The following INPP4B variants were observed in gnomAD, a reference collection of about 807,000 sequenced individuals.
The protein encoded by INPP4B is inositol polyphosphate-4-phosphatase type II B.
Under a neutral mutation model 122.5 loss-of-function variants are expected in INPP4B, and 55 were observed. The observed-to-expected ratio is 0.45, with a 90% confidence interval of 0.36 to 0.56. The LOEUF is 0.56. Ranked by LOEUF, INPP4B falls within the 20% of genes least tolerant of loss-of-function variation. The pLI, the probability that INPP4B is intolerant of heterozygous loss-of-function variation, is 0.00. For missense variants in INPP4B, 1,000 were observed against 1,097.7 expected (o/e 0.91, Z 1.26); for synonymous variants, 403 against 388.7 (o/e 1.04, Z -0.43).
At chr4:142,367,843 G>C (rs1234606598) in intron 7 of INPP4B, among the ~76,000 whole-genome samples, 1 of 152,104 alleles carries the variant, frequency 6.6e-6, no homozygotes, top group Non-Finnish European at 1.5e-5. Context: ...ATGCTCCCTG[G>C]GCTGGAAGGA....
At chr4:142,464,526 T>A (rs1817371019) in intron 2 of INPP4B, among the ~76,000 whole-genome samples, 2 of 152,002 alleles carry the variant, frequency 1.3e-5, no homozygotes, top group African/African-American at 4.8e-5. Flanking sequence ...ACTCATTTAA[T>A]TTGGGGAAAA....
chr4:142,520,151 T>C (rs1056301816), intron 2 of INPP4B, among the ~76,000 whole-genome samples: 2 of 152,082 alleles, frequency 1.3e-5, no homozygotes, highest in Non-Finnish European at 2.9e-5. Context: ...AAACAGCTTT[T>C]AGAGCGGCAT....
At chr4:142,073,557 A>T (rs1255530911) in intron 25 of INPP4B, among the ~76,000 whole-genome samples, 1 of 152,086 alleles carries the variant, frequency 6.6e-6, no homozygotes, top group Admixed American at 6.6e-5. Context: ...AAGTGTTCTG[A>T]TGGAAGACAA....
At chr4:142,725,993 C>A in intron 1 of INPP4B, 92 bp from the exon 2 acceptor site, 1 of 392,778 alleles carries the variant, frequency 2.5e-6, no homozygotes, top group South Asian at 1.3e-4. Context: ...TAATAAAGGT[C>A]AGAGAAGAAA....
chr4:142,635,548 CT>C (rs534813851), intron 2 of INPP4B, among the ~76,000 whole-genome samples: 309 of 152,232 alleles, frequency 2.0e-3, no homozygotes, highest in African/African-American at 6.8e-3. Context: ...AAGATCGTGT[CT>C]TTTGTGGGAA....
chr4:142,693,651 C>T (rs879811396), intron 2 of INPP4B, among the ~76,000 whole-genome samples: 2 of 151,754 alleles, frequency 1.3e-5, no homozygotes, highest in Non-Finnish European at 2.9e-5. Flanking sequence ...TTTTCCTCAC[C>T]TTCTTAACTA....
intron 2 of INPP4B, among the ~76,000 whole-genome samples, chr4:142,578,300 G>T (rs142815494): frequency 6.6e-6 from 1 of 152,004 alleles, no homozygotes; most frequent in East Asian, 1.9e-4. Flanking sequence ...GTAATGATGA[G>T]ATTTGCCTCG....
chr4:142,179,389 C>T (rs915613666), intron 15 of INPP4B, among the ~76,000 whole-genome samples: 5 of 143,316 alleles, frequency 3.5e-5, no homozygotes, highest in African/African-American at 5.1e-5. Context: ...AGGAGAATTG[C>T]TTGAACTCGG....
At chr4:142,750,695 T>C (rs976156249) in intron 1 of INPP4B, among the ~76,000 whole-genome samples, 7 of 152,016 alleles carry the variant, frequency 4.6e-5, no homozygotes, top group Middle Eastern at 3.2e-3. Context: ...AGAGGAAAGA[T>C]TGAGGGGTCC....
At chr4:142,438,954 C>A (rs1479599943) in intron 3 of INPP4B, among the ~76,000 whole-genome samples, 1 of 152,130 alleles carries the variant, frequency 6.6e-6, no homozygotes, top group African/African-American at 2.4e-5. Context: ...GTGAATAAAT[C>A]ACAGACATAA....
intron 11 of INPP4B, among the ~76,000 whole-genome samples, chr4:142,247,218 G>T (rs542928572): frequency 1.3e-5 from 2 of 152,110 alleles, no homozygotes; most frequent in Non-Finnish European, 2.9e-5. Context: ...GAGGATTTTC[G>T]CATCAATATT....
At chr4:142,048,652 G>A (rs1385889946) in intron 25 of INPP4B, among the ~76,000 whole-genome samples, 1 of 152,042 alleles carries the variant, frequency 6.6e-6, no homozygotes, top group Non-Finnish European at 1.5e-5. Flanking sequence ...CAACAGAGAG[G>A]TGTGCTCTGA....
chr4:142,298,683 C>CAAAAAAAAAAAAAAAAAAA (rs386401712), intron 9 of INPP4B, among the ~76,000 whole-genome samples: 1 of 66,452 alleles, frequency 1.5e-5, no homozygotes, highest in Non-Finnish European at 2.6e-5. Flanking sequence ...GACTCTGTCT[C>CAAAAAAAAAAAAAAAAAAA]AAAAAAAAAA....
chr4:142,103,652 T>C (rs1785561743), intron 23 of INPP4B, among the ~76,000 whole-genome samples: 1 of 152,148 alleles, frequency 6.6e-6, no homozygotes, highest in Non-Finnish European at 1.5e-5. Flanking sequence ...TTTGATTACC[T>C]TGAGTCATTA....
intron 1 of INPP4B, among the ~76,000 whole-genome samples, chr4:142,750,087 T>C (rs1769441761): frequency 6.6e-6 from 1 of 152,012 alleles, no homozygotes; most frequent in Non-Finnish European, 1.5e-5. Flanking sequence ...ATAACTTGAC[T>C]CTTCAAGAGA....
chr4:142,761,870 A>G (rs1375985473), intron 1 of INPP4B, among the ~76,000 whole-genome samples: 1 of 152,144 alleles, frequency 6.6e-6, no homozygotes, highest in Admixed American at 6.5e-5. Flanking sequence ...TGGAGCATAA[A>G]CCATTCCTAA....
intron 2 of INPP4B, among the ~76,000 whole-genome samples, chr4:142,630,007 A>G (rs1747571744): frequency 6.6e-6 from 1 of 152,132 alleles, no homozygotes; most frequent in Non-Finnish European, 1.5e-5. Flanking sequence ...GACATTTGCT[A>G]GGATTCTTCT....
intron 5 of INPP4B, among the ~76,000 whole-genome samples, chr4:142,407,855 T>C (rs1005802975): frequency 2.0e-5 from 3 of 152,146 alleles, no homozygotes; most frequent in Non-Finnish European, 4.4e-5. Flanking sequence ...AGGGTGGAAG[T>C]GAGGAAATTG....
intron 2 of INPP4B, among the ~76,000 whole-genome samples, chr4:142,663,296 G>A (rs182549115): frequency 8.2e-4 from 125 of 152,236 alleles, no homozygotes; most frequent in Non-Finnish European, 1.5e-3. Context: ...CAAGAACTAA[G>A]AGAAGCAAAT....
Sources: gnomAD v4.1 joint callset for allele counts (sites outside exome capture counted in the v4.1 genomes callset) on GRCh38, gnomAD v4.1.1 for gene constraint, MANE v1.5 for transcripts, NCBI Gene and HGNC (gene_info 2026-07-23, HGNC 2026-07-21) for gene names.